Variants in CTNNA2 observed in about 807,000 individuals in gnomAD.
CTNNA2 encodes the protein catenin alpha 2.
Under a neutral mutation model 101.0 loss-of-function variants are expected in CTNNA2, and 42 were observed. That is an observed-to-expected ratio of 0.42 (90% CI 0.32 to 0.54). CTNNA2 has a LOEUF of 0.54. CTNNA2 is among the 20% of genes least tolerant of loss of function. CTNNA2 has a pLI of 0.14. For missense variants in CTNNA2, 871 were observed against 1,223.1 expected, an observed-to-expected ratio of 0.71 and a Z score of 4.29; for synonymous variants, 450 against 456.4, an observed-to-expected ratio of 0.99 and a Z score of 0.18.
intron 17 of CTNNA2, among the ~76,000 whole-genome samples, chr2:80,618,150 T>G (rs2149801479): frequency 6.6e-6 from 1 of 152,002 alleles, no homozygotes; most frequent in South Asian, 2.1e-4. Flanking sequence ...TTCTCATGCC[T>G]TTTCTTGTTT....
intron 7 of CTNNA2, among the ~76,000 whole-genome samples, chr2:80,295,755 C>A (rs1043532394): frequency 1.3e-5 from 2 of 152,210 alleles, no homozygotes; most frequent in Non-Finnish European, 2.9e-5. Context: ...ATGATAACTC[C>A]TGACTTCTAG....
chr2:80,521,096 G>A (rs1178356899), intron 9 of CTNNA2, among the ~76,000 whole-genome samples: 1 of 152,194 alleles, frequency 6.6e-6, no homozygotes, highest in Non-Finnish European at 1.5e-5. Context: ...CACCCACGAA[G>A]CCCTGACAGC....
Position 80,099,153 on chromosome 2 carries a change from C to G in CTNNA2, c.1056+189356C>G, listed in dbSNP as rs551153525. Among the ~76,000 whole-genome samples, 3 of 152,028 alleles carry G rather than the reference C, an allele frequency of 2.0e-5. No individual in the cohort carries two copies. In the South Asian group the frequency reaches 6.2e-4, roughly 32 times the overall value. On this transcript the variant is annotated intron_variant, in intron 7 of 18. Coordinates refer to ENST00000402739, the MANE Select transcript of CTNNA2 (RefSeq NM_001282597.3). Reference sequence around the variant, plus strand: ...GTATTCGGCCATCTTGACTCCACCCCCCGAATTGTTTCAATTCTTATGGTG... The same window carrying G: ...GTATTCGGCCATCTTGACTCCACCCGCCGAATTGTTTCAATTCTTATGGTG...
At chr2:79,794,345 A>G (rs908524994) in intron 3 of CTNNA2, among the ~76,000 whole-genome samples, 1 of 152,162 alleles carries the variant, frequency 6.6e-6, no homozygotes, top group African/African-American at 2.4e-5. Flanking sequence ...TTAATGGCAA[A>G]AACAGCAATT....
chr2:79,664,616 CATACTT>C (rs1374895470), intron 2 of CTNNA2, among the ~76,000 whole-genome samples: 2 of 150,196 alleles, frequency 1.3e-5, no homozygotes, highest in African/African-American at 4.9e-5. Flanking sequence ...ATATTTGAAA[CATACTT>C]ATACTAAAAT....
chr2:80,128,362 G>T (rs1702247331), intron 7 of CTNNA2, among the ~76,000 whole-genome samples: 1 of 152,070 alleles, frequency 6.6e-6, no homozygotes, highest in East Asian at 1.9e-4. Context: ...CCTCTAATGG[G>T]AGTCAGCACA....
At chr2:80,071,408 G>A (rs1484464) in intron 7 of CTNNA2, among the ~76,000 whole-genome samples, 128,479 of 152,202 alleles carry the variant, frequency 0.84, 54,895 homozygotes, top group African/African-American at 0.93. Flanking sequence ...ACTTTGAAAT[G>A]TAGATTTGGT....
chr2:79,977,658 G>A (rs1690964895), intron 7 of CTNNA2, among the ~76,000 whole-genome samples: 1 of 151,812 alleles, frequency 6.6e-6, no homozygotes, highest in Admixed American at 6.6e-5. Flanking sequence ...AACACTAATT[G>A]GGGAAAAATG....
intron 1 of CTNNA2, among the ~76,000 whole-genome samples, chr2:79,605,627 G>A (rs1051878548): frequency 6.6e-6 from 1 of 152,146 alleles, no homozygotes; most frequent in African/African-American, 2.4e-5. Context: ...TATAAGGCTA[G>A]GCATGGTGGC....
At chr2:79,273,528 G>A (rs1317710871) in intron 2 of CTNNA2, among the ~76,000 whole-genome samples, 2 of 151,996 alleles carry the variant, frequency 1.3e-5, no homozygotes, top group Non-Finnish European at 2.9e-5. Context: ...AGTAATTCTT[G>A]ATTGCTGAAA....
chr2:79,419,148 C>T (rs1678513324), intron 4 of CTNNA2, among the ~76,000 whole-genome samples: 1 of 152,148 alleles, frequency 6.6e-6, no homozygotes, highest in Non-Finnish European at 1.5e-5. Flanking sequence ...TTTCTTGCTC[C>T]ATTCTTACTT....
intron 9 of CTNNA2, among the ~76,000 whole-genome samples, chr2:80,443,576 A>G (rs1682793821): frequency 6.6e-6 from 1 of 152,162 alleles, no homozygotes; most frequent in African/African-American, 2.4e-5. Flanking sequence ...GTTGAGTAGT[A>G]TAGTGTGTGG....
At chr2:79,944,578 G>C (rs1688370002) in intron 7 of CTNNA2, among the ~76,000 whole-genome samples, 2 of 152,176 alleles carry the variant, frequency 1.3e-5, no homozygotes. Context: ...ACAAAGTACA[G>C]TGCAGTGTGG....
chr2:79,918,809 C>T (rs1385990795), intron 7 of CTNNA2, among the ~76,000 whole-genome samples: 1 of 152,130 alleles, frequency 6.6e-6, no homozygotes, highest in African/African-American at 2.4e-5. Flanking sequence ...ATAAGTTGAC[C>T]TTCCAGAATC....
At chr2:79,309,789 G>A (rs1475093959) in intron 2 of CTNNA2, among the ~76,000 whole-genome samples, 1 of 152,034 alleles carries the variant, frequency 6.6e-6, no homozygotes, top group Non-Finnish European at 1.5e-5. Flanking sequence ...TGGTCTGCTG[G>A]TGCCTAGTAC....
At chr2:79,241,658 C>T (rs1674626810) in intron 2 of CTNNA2, among the ~76,000 whole-genome samples, 1 of 152,104 alleles carries the variant, frequency 6.6e-6, no homozygotes, top group South Asian at 2.1e-4. Context: ...AGATTTTAAT[C>T]AAATATTTAA....
intron 2 of CTNNA2, among the ~76,000 whole-genome samples, chr2:79,205,771 A>T (rs1360717631): frequency 1.3e-5 from 2 of 152,232 alleles, no homozygotes; most frequent in Non-Finnish European, 2.9e-5. Flanking sequence ...ATACTTGCCT[A>T]TAAATATCTT....
intron 9 of CTNNA2, among the ~76,000 whole-genome samples, chr2:80,482,511 G>A (rs1009065114): frequency 4.6e-5 from 7 of 152,124 alleles, no homozygotes; most frequent in African/African-American, 9.7e-5. Context: ...ATAGACAATA[G>A]GTAAATGAAT....
intron 3 of CTNNA2, among the ~76,000 whole-genome samples, chr2:79,341,710 C>T (rs1558635942): frequency 6.6e-6 from 1 of 152,170 alleles, no homozygotes; most frequent in African/African-American, 2.4e-5. Context: ...GCTCACTTTC[C>T]ATTAAAAAAT....
Sources: allele counts gnomAD v4.1 joint callset (sites outside exome capture counted in the v4.1 genomes callset), GRCh38; gene constraint gnomAD v4.1.1; transcripts MANE v1.5; gene names NCBI Gene and HGNC (gene_info 2026-07-23, HGNC 2026-07-21).